The following ACSL3 variants were observed in gnomAD, a reference collection of about 807,000 sequenced individuals.
ACSL3 encodes the protein fatty acid CoA ligase Acsl3.
A neutral mutation model predicts 84.7 loss-of-function variants in ACSL3; 34 were observed. That is an observed-to-expected ratio of 0.40 (90% confidence interval 0.31 to 0.53). The LOEUF is 0.53. ACSL3 is among the 20% of genes least tolerant of loss of function. The pLI is 0.48. For synonymous variants in ACSL3, 315 were observed against 299.4 expected, an observed-to-expected ratio of 1.05 and a Z score of -0.54; for missense variants, 680 against 873.1, an observed-to-expected ratio of 0.78 and a Z score of 2.79.
At chr2:222,914,587 A>C (rs1162557685) in intron 4 of ACSL3, among the ~76,000 whole-genome samples, 1 of 152,154 alleles carries the variant, frequency 6.6e-6, no homozygotes, top group Non-Finnish European at 1.5e-5. Context: ...AATAGAGAGA[A>C]GGTTTCAGAG....
In ACSL3 at chr2:222,898,744, G is replaced by A. The variant is rs778692165; in HGVS notation, c.-147-1930G>A. On this transcript the variant is annotated intron_variant, in intron 2 of 16. Transcript: ENST00000357430. ...CGGGAGGCTGAGGCAGGAGAATGGC[G>A]TGAACCCGGGAGGCGGAGCTTGCAG... Among the ~76,000 whole-genome samples, 10 of 152,128 alleles carry A rather than the reference G, an allele frequency of 6.6e-5. No homozygotes were observed. In the East Asian group the frequency reaches 1.6e-3, roughly 24 times the overall value.
At chr2:222,894,274 T>G (rs1157672859) in intron 2 of ACSL3, among the ~76,000 whole-genome samples, 2 of 152,202 alleles carry the variant, frequency 1.3e-5, no homozygotes, top group Non-Finnish European at 2.9e-5. Context: ...TCTTTCCAAG[T>G]CACCTGTGTT....
intron 4 of ACSL3, among the ~76,000 whole-genome samples, chr2:222,915,328 G>C (rs892386318): frequency 3.3e-5 from 5 of 152,174 alleles, no homozygotes; most frequent in African/African-American, 1.2e-4. Context: ...TCTTAAATGC[G>C]TAATTGCATG....
intron 1 of ACSL3, among the ~76,000 whole-genome samples, chr2:222,870,730 A>G (rs1476949398): frequency 6.6e-6 from 1 of 152,240 alleles, no homozygotes; most frequent in Non-Finnish European, 1.5e-5. Flanking sequence ...AGTGGATGGA[A>G]TTGATTTGTT....
chr2:222,941,763 A>T lies in ACSL3; in HGVS notation c.*109A>T. 1 of 1,203,086 alleles carries T rather than the reference A, an allele frequency of 8.3e-7. No homozygotes were observed. Among genetic ancestry groups the T allele is most frequent in the Non-Finnish European group, 1.1e-6 (1 of 883,508 alleles). The allele number at this position is 1,203,086 out of a possible 1,614,324, so 74.5% of individuals were successfully genotyped here. ...CAAACTCCATTCCTCATATTAAACTATTACTTCTCATGACGTCACCATTTT... is the reference window on the plus strand; with the variant it reads ...CAAACTCCATTCCTCATATTAAACTTTTACTTCTCATGACGTCACCATTTT... On this transcript the variant is annotated 3_prime_UTR_variant, in exon 17 of 17. Coordinates refer to ENST00000357430, the MANE Select transcript of ACSL3 (RefSeq NM_004457.5).
intron 1 of ACSL3, among the ~76,000 whole-genome samples, chr2:222,865,834 G>A (rs1695123382): frequency 6.6e-6 from 1 of 151,136 alleles, no homozygotes; most frequent in South Asian, 2.1e-4. Flanking sequence ...GTACACAGAT[G>A]TGTACGCATT....
chr2:222,934,519 CT>C lies in ACSL3; in HGVS notation c.1848-10del. Reference sequence around the variant, plus strand: ...TTTTGTTCCTTATCTGTTATCCTTTCTATATTTCAGTTATCATTCTTATGTC... The same window carrying C: ...TTTTGTTCCTTATCTGTTATCCTTTCATATTTCAGTTATCATTCTTATGTC... On this transcript the variant is annotated splice_polypyrimidine_tract_variant and intron_variant, in intron 15 of 16. Transcript: ENST00000357430. The C allele has an allele frequency of 6.5e-7, 1 of 1,537,054 alleles. No homozygotes were observed. Among genetic ancestry groups the C allele is most frequent in the Non-Finnish European group, 8.8e-7 (1 of 1,139,518 alleles).
chr2:222,933,818 G>A (rs1697099519), intron 15 of ACSL3: 1 of 152,208 alleles, frequency 6.6e-6, no homozygotes, highest in African/African-American at 2.4e-5. Flanking sequence ...ATTATTATGG[G>A]AAAATAAAAT....
intron 2 of ACSL3, among the ~76,000 whole-genome samples, chr2:222,892,408 C>G (rs980716082): frequency 6.6e-6 from 1 of 152,114 alleles, no homozygotes; most frequent in Non-Finnish European, 1.5e-5. Context: ...TTGTGAGAAC[C>G]AGGGTGCCCC....
intron 4 of ACSL3, among the ~76,000 whole-genome samples, chr2:222,910,141 T>G (rs1000544988): frequency 6.6e-6 from 1 of 152,184 alleles, no homozygotes; most frequent in African/African-American, 2.4e-5. Flanking sequence ...ATCTTGAGAA[T>G]TCAATGAGGA....
chr2:222,898,839 C>A (rs1352655893), intron 2 of ACSL3, among the ~76,000 whole-genome samples: 1 of 151,950 alleles, frequency 6.6e-6, no homozygotes, highest in Admixed American at 6.6e-5. Flanking sequence ...AAAACAAAAA[C>A]AAACAAACGA....
chr2:222,937,679 G>T (rs902213059), intron 16 of ACSL3, among the ~76,000 whole-genome samples: 2 of 151,950 alleles, frequency 1.3e-5, no homozygotes, highest in African/African-American at 2.4e-5. Flanking sequence ...TTTAGGTTAC[G>T]CATGCCCTTG....
At chr2:222,895,196 T>C (rs1205636885) in intron 2 of ACSL3, among the ~76,000 whole-genome samples, 1 of 152,178 alleles carries the variant, frequency 6.6e-6, no homozygotes, top group Non-Finnish European at 1.5e-5. Context: ...CTTAATTTTC[T>C]AATACCTTCC....
chr2:222,898,818 C>A (rs1474446744), intron 2 of ACSL3, among the ~76,000 whole-genome samples: 1 of 152,050 alleles, frequency 6.6e-6, no homozygotes. Context: ...AAGAGTGAGA[C>A]TCTGTCTCAA....
intron 16 of ACSL3, 21 bp from the exon 17 acceptor site, chr2:222,941,475 TC>T (rs200373690): frequency 0.061 from 69,842 of 1,147,234 alleles, 30 homozygotes; most frequent in Admixed American, 0.096. Flanking sequence ...TTTCTTCTTT[TC>T]TTTTTTTTTA....
At chr2:222,872,265 C>T (rs1381630057) in intron 1 of ACSL3, among the ~76,000 whole-genome samples, 1 of 152,092 alleles carries the variant, frequency 6.6e-6, no homozygotes, top group Non-Finnish European at 1.5e-5. Flanking sequence ...GCTGGGATTA[C>T]AGGTGCCCAC....
Position 222,930,653 on chromosome 2 carries a change from A to G in ACSL3, c.1573A>G (p.Arg525Gly). The change falls in exon 14 of 17, where the codon AGG becomes GGG. Residue 525 changes from arginine (R) to glycine (G), a missense_variant. Physicochemically the swap from Arg to Gly is moderately radical, Grantham distance 125. Around this residue, in one of 2 missense-constraint regions of ACSL3, gnomAD observed 347 missense variants for 525.7 expected, o/e 0.66. Coordinates refer to ENST00000357430, the MANE Select transcript of ACSL3 (RefSeq NM_004457.5). ...CTTTAATACTGATAAGCCACACCCC[A>G]GGGGTGAAATTCTTATTGGGGGCCA... Reference protein sequence around the residue: ...GYFNTDKPHPRGEILIGGQSV... With the variant: ...GYFNTDKPHPGGEILIGGQSV... 6 of 1,614,000 alleles carry G rather than the reference A, an allele frequency of 3.7e-6. No homozygotes were observed. Among genetic ancestry groups the G allele is most frequent in the Non-Finnish European group, 5.1e-6 (6 of 1,179,896 alleles).
intron 1 of ACSL3, among the ~76,000 whole-genome samples, chr2:222,879,282 T>C (rs889474787): frequency 7.9e-5 from 12 of 152,136 alleles, no homozygotes; most frequent in African/African-American, 2.9e-4. Context: ...GGTGCCACTA[T>C]ACTCCAGCCT....
At position 222,924,587 on chromosome 2, in the gene ACSL3, G is replaced by C; in HGVS notation, c.1284G>C (p.Leu428=). Residue 428 remains leucine, a synonymous_variant, in exon 11 of 17, where the codon CTG becomes CTC. Coordinates refer to ENST00000357430, the MANE Select transcript of ACSL3 (RefSeq NM_004457.5). ...EQISKGRNTP[L]CDSFVFRKVR... Reference sequence around the variant, plus strand: ...TTTCAAAAGGACGTAATACTCCACTGTGCGACAGGTAAGTAAAGACTCTCT... The same window carrying C: ...TTTCAAAAGGACGTAATACTCCACTCTGCGACAGGTAAGTAAAGACTCTCT... 3.1e-6 allele frequency: 5 copies of C among 1,599,554 alleles called. No homozygotes were observed. Among genetic ancestry groups the C allele is most frequent in the Non-Finnish European group, 4.3e-6 (5 of 1,175,050 alleles).
Sources: allele counts gnomAD v4.1 joint callset (sites outside exome capture counted in the v4.1 genomes callset), GRCh38; gene constraint gnomAD v4.1.1; regional missense constraint gnomAD v4.1.1; transcripts MANE v1.5; gene names NCBI Gene and HGNC (gene_info 2026-07-23, HGNC 2026-07-21).